The following BMPR1A variants were observed in gnomAD, a reference collection of about 807,000 sequenced individuals.
BMPR1A encodes bone morphogenetic protein receptor type-1A.
A neutral mutation model predicts 66.0 loss-of-function variants in BMPR1A; 7 were observed. The observed-to-expected ratio is 0.11, with a 90% CI of 0.06 to 0.20. BMPR1A has a LOEUF of 0.20. Ranked by LOEUF, BMPR1A falls within the 10% of genes least tolerant of loss-of-function variation. The pLI, the probability that BMPR1A is intolerant of heterozygous loss-of-function variation, is 1.00. For synonymous variants in BMPR1A, 200 were observed against 229.7 expected (o/e 0.87, Z 1.17); for missense variants, 408 against 669.1 (o/e 0.61, Z 4.31).
At chr10:86,891,428 T>C (rs1283150914) in intron 4 of BMPR1A, among the ~76,000 whole-genome samples, 1 of 152,188 alleles carries the variant, frequency 6.6e-6, no homozygotes, top group Non-Finnish European at 1.5e-5. Context: ...AAAATTCTTC[T>C]AAGTAGAAGC....
chr10:86,873,453 AG>A (rs1221268988), intron 2 of BMPR1A, among the ~76,000 whole-genome samples: 1 of 150,402 alleles, frequency 6.6e-6, no homozygotes, highest in African/African-American at 2.5e-5. Context: ...AAAAAAAAAA[AG>A]ATGTTGTTGG....
chr10:86,837,068 A>G (rs1176196389), intron 1 of BMPR1A, among the ~76,000 whole-genome samples: 2 of 152,338 alleles, frequency 1.3e-5, no homozygotes, highest in East Asian at 3.8e-4. Flanking sequence ...TGGTTATGTT[A>G]TTCGCTATTT....
chr10:86,883,656 G>C (rs1430361884), intron 3 of BMPR1A, among the ~76,000 whole-genome samples: 1 of 151,400 alleles, frequency 6.6e-6, no homozygotes, highest in Non-Finnish European at 1.5e-5. Context: ...CTGTATCCCA[G>C]CTACTTGGGA....
chr10:86,884,036 G>A (rs1375632742), intron 3 of BMPR1A, among the ~76,000 whole-genome samples: 1 of 151,656 alleles, frequency 6.6e-6, no homozygotes, highest in Non-Finnish European at 1.5e-5. Flanking sequence ...CACCACACTC[G>A]GCTAATTTTT....
At chr10:86,810,800 A>G (rs1038213221) in intron 1 of BMPR1A, among the ~76,000 whole-genome samples, 1 of 152,192 alleles carries the variant, frequency 6.6e-6, no homozygotes, top group Non-Finnish European at 1.5e-5. Context: ...TATTCCAGAT[A>G]CAAGTCCTTA....
intron 5 of BMPR1A, among the ~76,000 whole-genome samples, chr10:86,898,333 A>G (rs1481273857): frequency 6.6e-6 from 1 of 152,144 alleles, no homozygotes; most frequent in African/African-American, 2.4e-5. Flanking sequence ...TATCTATTGT[A>G]GTTTCCAACA....
chr10:86,796,477 A>C (rs1316139777), intron 1 of BMPR1A, among the ~76,000 whole-genome samples: 1 of 151,580 alleles, frequency 6.6e-6, no homozygotes, highest in African/African-American at 2.4e-5. Flanking sequence ...ATTATATCAC[A>C]TAAATTTAGG....
intron 2 of BMPR1A, among the ~76,000 whole-genome samples, chr10:86,862,147 A>C (rs1320108099): frequency 6.6e-6 from 1 of 152,216 alleles, no homozygotes; most frequent in Non-Finnish European, 1.5e-5. Flanking sequence ...AATTATATCA[A>C]ATTATATAGC....
chr10:86,819,862 G>A (rs1301236872), intron 1 of BMPR1A, among the ~76,000 whole-genome samples: 5 of 152,116 alleles, frequency 3.3e-5, no homozygotes, highest in African/African-American at 4.8e-5. Flanking sequence ...CCAACTTACT[G>A]CAATACTCTT....
At chr10:86,855,530 A>G (rs563131922) in intron 2 of BMPR1A, 1 of 439,774 alleles carries the variant, frequency 2.3e-6, no homozygotes, top group Admixed American at 3.7e-5. Flanking sequence ...TTGAAATAGT[A>G]TTTCTATTTT....
intron 1 of BMPR1A, among the ~76,000 whole-genome samples, chr10:86,831,139 G>A (rs931274697): frequency 6.6e-6 from 1 of 152,134 alleles, no homozygotes; most frequent in African/African-American, 2.4e-5. Context: ...CAGCTGATCG[G>A]CAATTAAGGT....
At chr10:86,787,246 A>G (rs1489883724) in intron 1 of BMPR1A, among the ~76,000 whole-genome samples, 1 of 151,510 alleles carries the variant, frequency 6.6e-6, no homozygotes, top group Non-Finnish European at 1.5e-5. Flanking sequence ...TAGACCAGGA[A>G]CAACACACCA....
rs199907158 is a variant in BMPR1A, at chr10:86,923,435, G to C, written c.1402G>C (p.Glu468Gln). 1 of 1,614,182 alleles carries C rather than the reference G, an allele frequency of 6.2e-7. No individual in the cohort carries two copies. Among genetic ancestry groups the C allele is most frequent in the Admixed American group, 1.7e-5 (1 of 60,030 alleles). The change falls in exon 12 of 13, where the codon GAA becomes CAA. Residue 468 changes from glutamate (E) to glutamine (Q), a missense_variant. Coordinates refer to ENST00000372037, the MANE Select transcript of BMPR1A (RefSeq NM_004329.3). Reference sequence around the variant, plus strand: ...CATGGTACCGAGTGATCCGTCATACGAAGATATGCGTGAGGTTGTGTGTGT... The same window carrying C: ...CATGGTACCGAGTGATCCGTCATACCAAGATATGCGTGAGGTTGTGTGTGT... The part of the protein sequence containing the change: ...YNMVPSDPSY[E>Q]DMREVVCVKR...
intron 8 of BMPR1A, among the ~76,000 whole-genome samples, chr10:86,913,644 A>G (rs780576736): frequency 3.7e-4 from 56 of 152,178 alleles, no homozygotes; most frequent in Non-Finnish European, 7.2e-4. Context: ...CTAGCAACAA[A>G]CAATTAGGTA....
At chr10:86,883,215 A>C (rs990891769) in intron 3 of BMPR1A, among the ~76,000 whole-genome samples, 20 of 151,756 alleles carry the variant, frequency 1.3e-4, no homozygotes, top group Non-Finnish European at 2.2e-4. Context: ...TTGGCTGGGC[A>C]CGTTAGCTCA....
intron 1 of BMPR1A, among the ~76,000 whole-genome samples, chr10:86,795,205 T>G (rs1452788289): frequency 2.0e-5 from 3 of 151,998 alleles, no homozygotes; most frequent in East Asian, 3.9e-4. Flanking sequence ...TATTTGGAGC[T>G]ATACTATATG....
intron 1 of BMPR1A, among the ~76,000 whole-genome samples, chr10:86,826,411 A>AACACACACACACACACACACACACAC (rs34389289): frequency 3.3e-4 from 48 of 147,094 alleles, no homozygotes; most frequent in African/African-American, 1.2e-3. Context: ...CAATCAAGGA[A>AACACACACACACACACACACACACAC]ACACACACAC....
chr10:86,864,018 A>G (rs1213619084), intron 2 of BMPR1A, among the ~76,000 whole-genome samples: 1 of 152,240 alleles, frequency 6.6e-6, no homozygotes, highest in Non-Finnish European at 1.5e-5. Flanking sequence ...TTTTCTTCTT[A>G]GAGATTTAAT....
At position 86,927,309 on chromosome 10, in the gene BMPR1A, T is replaced by C. The variant is rs1843759417; in HGVS notation, c.*3590T>C. 5.2e-6 allele frequency: 1 copy of C among 192,698 alleles called. No individual in the cohort carries two copies. The highest frequency in any genetic ancestry group is 8.3e-5 in the East Asian group (1 of 12,038). The allele number at this position is 192,698 out of a possible 1,614,324, so 11.9% of individuals were successfully genotyped here. A position where few individuals can be genotyped will look rare whatever the true frequency, so the allele number is the denominator to read the frequency against. On this transcript the variant is annotated 3_prime_UTR_variant, in exon 13 of 13. Coordinates refer to ENST00000372037, the MANE Select transcript of BMPR1A (RefSeq NM_004329.3). ...GATGTTGTTTTGAAATGTTTCTAAA[T>C]ATCTAAAATCATTTCAACAGCAGAA...
Sources: gnomAD v4.1 joint callset for allele counts (sites outside exome capture counted in the v4.1 genomes callset) on GRCh38, gnomAD v4.1.1 for gene constraint, MANE v1.5 for transcripts, NCBI Gene and HGNC (gene_info 2026-07-23, HGNC 2026-07-21) for gene names.